The following LAMA3 variants were observed in gnomAD, a reference collection of about 807,000 sequenced individuals.
LAMA3 encodes the protein laminin subunit alpha-3.
LAMA3 carries 281 observed loss-of-function variants against 402.0 expected under a neutral mutation model. The observed-to-expected ratio is 0.70, with a 90% confidence interval of 0.63 to 0.77. The LOEUF is 0.77. Among genes scored for constraint, LAMA3 ranks in the 30% least tolerant of loss-of-function variants. The pLI is 0.00. For synonymous variants in LAMA3, 1,431 were observed against 1,558.4 expected (o/e 0.92, Z 1.93); for missense variants, 3,840 against 4,215.5 (o/e 0.91, Z 2.47).
At chr18:23,717,898 C>T (rs2061138599) in intron 2 of LAMA3, among the ~76,000 whole-genome samples, 1 of 151,662 alleles carries the variant, frequency 6.6e-6, no homozygotes, top group Non-Finnish European at 1.5e-5. Flanking sequence ...GACAGTTTCC[C>T]CTTAAAACGT....
At chr18:23,885,992 A>C (rs1281166399) in intron 41 of LAMA3, among the ~76,000 whole-genome samples, 1 of 152,126 alleles carries the variant, frequency 6.6e-6, no homozygotes, top group African/African-American at 2.4e-5. Context: ...ATCTAATACT[A>C]TGTTAGTAAT....
At chr18:23,920,456 AG>A (rs1178713612) in intron 60 of LAMA3, among the ~76,000 whole-genome samples, 2 of 152,090 alleles carry the variant, frequency 1.3e-5, no homozygotes, top group African/African-American at 2.4e-5. Context: ...AGTCCTGTGT[AG>A]GATCCCCGAG....
chr18:23,904,485 G>A, intron 50 of LAMA3, 68 bp from the exon 51 acceptor site: 3 of 1,480,958 alleles, frequency 2.0e-6, no homozygotes, highest in Non-Finnish European at 2.8e-6. Flanking sequence ...AAATGGAAAG[G>A]TTTGGGGGGA....
At chr18:23,920,830 G>A (rs2145307254) in intron 60 of LAMA3, 105 bp from the exon 61 acceptor site, 9 of 1,375,368 alleles carry the variant, frequency 6.5e-6, no homozygotes, top group Non-Finnish European at 9.2e-6. Flanking sequence ...TGAGGCAGCA[G>A]CTGAAGCTGA....
At chr18:23,845,162 G>T (rs756520432) in intron 30 of LAMA3, 38 bp downstream of exon 30, 4 of 1,207,678 alleles carry the variant, frequency 3.3e-6, no homozygotes, top group Non-Finnish European at 3.7e-6. Context: ...GGAATGCAGA[G>T]GCACTCCCAC....
chr18:23,714,106 A>G (rs767584222), intron 2 of LAMA3, 34 bp downstream of exon 2: 4 of 1,590,692 alleles, frequency 2.5e-6, no homozygotes, highest in Non-Finnish European at 3.4e-6. Context: ...TGGGAACATG[A>G]GCTTAGATCA....
chr18:23,797,730 T>C (rs986850874), intron 12 of LAMA3, among the ~76,000 whole-genome samples: 8 of 151,772 alleles, frequency 5.3e-5, no homozygotes, highest in Non-Finnish European at 8.8e-5. Context: ...AAAAAAAAAA[T>C]TCAAAATCTT....
intron 44 of LAMA3, among the ~76,000 whole-genome samples, chr18:23,897,943 C>T (rs2080931381): frequency 6.6e-6 from 1 of 152,192 alleles, no homozygotes; most frequent in East Asian, 1.9e-4. Flanking sequence ...GCTCATCTAT[C>T]ATGTGGCAGA....
At chr18:23,891,242 G>A (rs1291773259) in intron 42 of LAMA3, among the ~76,000 whole-genome samples, 1 of 152,202 alleles carries the variant, frequency 6.6e-6, no homozygotes, top group African/African-American at 2.4e-5. Context: ...AACATATAGT[G>A]AGGCCTGGGA....
At chr18:23,951,863 C>A (rs986438813) in intron 73 of LAMA3, 86 bp downstream of exon 73, 9 of 1,044,074 alleles carry the variant, frequency 8.6e-6, no homozygotes, top group Non-Finnish European at 1.3e-5. Flanking sequence ...CAGCCTCAGC[C>A]CCTCCATCCA....
At chr18:23,952,813 G>A (rs556729408) in intron 73 of LAMA3, among the ~76,000 whole-genome samples, 177 bp from the exon 74 acceptor site, 5 of 152,302 alleles carry the variant, frequency 3.3e-5, no homozygotes, top group East Asian at 3.9e-4. Flanking sequence ...ATTCATGTAC[G>A]TGGAAGCACT....
intron 1 of LAMA3, among the ~76,000 whole-genome samples, chr18:23,692,208 G>A (rs928615431): frequency 4.6e-5 from 7 of 152,170 alleles, no homozygotes; most frequent in South Asian, 2.1e-4. Context: ...AACTTGGCCG[G>A]TAATTGTTCA....
At chr18:23,838,905 G>A (rs745765183) in intron 26 of LAMA3, 27 bp downstream of exon 26, 15 of 1,347,470 alleles carry the variant, frequency 1.1e-5, no homozygotes, top group South Asian at 8.2e-5. Flanking sequence ...CTGTCTCCCC[G>A]TTCATGTTCT....
intron 59 of LAMA3, 99 bp downstream of exon 59, chr18:23,915,521 A>G (rs928873379): frequency 4.5e-6 from 5 of 1,110,412 alleles, no homozygotes; most frequent in Non-Finnish European, 6.8e-6. Context: ...GATGCTATTG[A>G]TGTTGCTAGT....
chr18:23,926,464 G>A (rs1295644407), intron 62 of LAMA3, among the ~76,000 whole-genome samples: 2 of 152,172 alleles, frequency 1.3e-5, no homozygotes, highest in East Asian at 1.9e-4. Flanking sequence ...GAGGCAAAAG[G>A]CCATCTTTAT....
intron 68 of LAMA3, among the ~76,000 whole-genome samples, chr18:23,942,775 C>T (rs1259614935): frequency 4.6e-5 from 7 of 151,868 alleles, no homozygotes; most frequent in Non-Finnish European, 7.4e-5. Flanking sequence ...ACAGGGTTTC[C>T]CCATGTTGGC....
At chr18:23,946,054 T>G in intron 69 of LAMA3, 90 bp from the exon 70 acceptor site, 6 of 1,298,900 alleles carry the variant, frequency 4.6e-6, no homozygotes, top group Non-Finnish European at 5.6e-6. Flanking sequence ...TGAAAACATT[T>G]TTTTTTAATT....
At chr18:23,805,928 C>T (rs1301740280) in intron 12 of LAMA3, among the ~76,000 whole-genome samples, 1 of 152,176 alleles carries the variant, frequency 6.6e-6, no homozygotes, top group East Asian at 1.9e-4. Flanking sequence ...TAAACCAGCT[C>T]AGGTCTGGTA....
chr18:23,808,685 ATCAGTGAGAG>A (rs2063010631), intron 12 of LAMA3, among the ~76,000 whole-genome samples: 1 of 152,228 alleles, frequency 6.6e-6, no homozygotes, highest in African/African-American at 2.4e-5. Flanking sequence ...GTTCCCCTCC[ATCAGTGAGAG>A]TTTCTTTTAC....
Sources: allele counts gnomAD v4.1 joint callset (sites outside exome capture counted in the v4.1 genomes callset), GRCh38; gene constraint gnomAD v4.1.1; transcripts MANE v1.5; gene names NCBI Gene and HGNC (gene_info 2026-07-23, HGNC 2026-07-21).